The following CTNND2 variants were observed in gnomAD, a reference collection of about 807,000 sequenced individuals.
The protein encoded by CTNND2 is catenin delta-2.
A neutral mutation model predicts 144.4 loss-of-function variants in CTNND2; 22 were observed. That is an observed-to-expected ratio of 0.15 (90% CI 0.11 to 0.22). CTNND2 has a LOEUF of 0.22. CTNND2 is among the 10% of genes least tolerant of loss of function. The pLI is 1.00. For missense variants in CTNND2, 1,353 were observed against 1,618.8 expected (o/e 0.84, Z 2.82); for synonymous variants, 751 against 695.6 (o/e 1.08, Z -1.25).
chr5:11,762,672 G>C (rs1206401460), intron 1 of CTNND2, among the ~76,000 whole-genome samples: 1 of 152,064 alleles, frequency 6.6e-6, no homozygotes, highest in Non-Finnish European at 1.5e-5. Context: ...TTTAACCCAG[G>C]CCTTCACGAA....
chr5:11,662,251 G>GTGTATA lies in CTNND2; in HGVS notation c.174+69884_174+69885insTATACA, dbSNP rs546479720. ...TATATATGTATATATATACATATATGTGTGTATATATGTGTGTGTGTGTAT... is the reference window on the plus strand; with the variant it reads ...TATATATGTATATATATACATATATGTGTATATGTGTATATATGTGTGTGTGTGTAT... On this transcript the variant is annotated intron_variant, in intron 2 of 21. Transcript: ENST00000304623. Among the ~76,000 whole-genome samples, 5 of 133,762 alleles carry GTGTATA rather than the reference G, an allele frequency of 3.7e-5. No homozygotes were observed. In the South Asian group the frequency reaches 6.7e-4, roughly 18 times the overall value. 87.8% of individuals were successfully genotyped at this position (133,762 alleles called of 152,430 possible).
At chr5:11,899,145 T>C (rs563997399) in intron 1 of CTNND2, among the ~76,000 whole-genome samples, 7 of 152,350 alleles carry the variant, frequency 4.6e-5, no homozygotes, top group African/African-American at 1.7e-4. Flanking sequence ...CTTCCCTTTA[T>C]GTAATACATT....
chr5:11,265,340 T>C (rs1745329007), intron 9 of CTNND2, among the ~76,000 whole-genome samples: 1 of 152,050 alleles, frequency 6.6e-6, no homozygotes, highest in South Asian at 2.1e-4. Context: ...CATCTCAAAG[T>C]TTCTGGTGGT....
At chr5:11,210,436 G>A (rs1738510245) in intron 10 of CTNND2, among the ~76,000 whole-genome samples, 1 of 152,032 alleles carries the variant, frequency 6.6e-6, no homozygotes, top group African/African-American at 2.4e-5. Context: ...AAGAAATAAA[G>A]ATCTAAGACT....
intron 16 of CTNND2, among the ~76,000 whole-genome samples, chr5:11,078,033 A>G (rs1373260693): frequency 6.6e-6 from 1 of 152,186 alleles, no homozygotes; most frequent in Non-Finnish European, 1.5e-5. Context: ...AGTGGAGAGG[A>G]TAGAGCAGAC....
chr5:11,241,112 C>A (rs1391292395), intron 9 of CTNND2, among the ~76,000 whole-genome samples: 1 of 151,434 alleles, frequency 6.6e-6, no homozygotes, highest in Non-Finnish European at 1.5e-5. Flanking sequence ...AACATGTACA[C>A]ACACACATCC....
Position 11,741,061 on chromosome 5 carries a change from G to T in CTNND2, c.38-8789C>A, listed in dbSNP as rs368404960. ...TAGAATGGCGATCATTAAAAAGTCA[G>T]GAAACAACAGATGCTGGAGAGGATG... On this transcript the variant is annotated intron_variant, in intron 1 of 21. Coordinates refer to ENST00000304623, the MANE Select transcript of CTNND2 (RefSeq NM_001332.4). 2.6e-4 allele frequency among the ~76,000 whole-genome samples: 40 copies of T among 152,258 alleles called. 1 individual carries two copies. The South Asian group carries it at 7.9e-3, about 30-fold the overall frequency.
At chr5:11,044,314 G>A (rs1744992603) in intron 16 of CTNND2, among the ~76,000 whole-genome samples, 1 of 152,126 alleles carries the variant, frequency 6.6e-6, no homozygotes, top group Non-Finnish European at 1.5e-5. Flanking sequence ...GATTGCAGGA[G>A]CCTACACATT....
At chr5:11,037,571 A>G (rs1034526715) in intron 16 of CTNND2, among the ~76,000 whole-genome samples, 5 of 152,218 alleles carry the variant, frequency 3.3e-5, no homozygotes, top group African/African-American at 9.6e-5. Context: ...GTGCCTACTA[A>G]TCCAAGATCA....
intron 14 of CTNND2, among the ~76,000 whole-genome samples, chr5:11,109,332 T>A (rs977602457): frequency 1.3e-5 from 2 of 152,226 alleles, no homozygotes; most frequent in Non-Finnish European, 2.9e-5. Context: ...ACTAACAGCA[T>A]GCATGCATCA....
chr5:11,255,371 T>C (rs1287228443), intron 9 of CTNND2, among the ~76,000 whole-genome samples: 1 of 152,226 alleles, frequency 6.6e-6, no homozygotes, highest in Non-Finnish European at 1.5e-5. Flanking sequence ...GCGCTGGTTT[T>C]GCACAGAGGC....
intron 2 of CTNND2, among the ~76,000 whole-genome samples, chr5:11,643,136 T>C (rs2126510980): frequency 6.6e-6 from 1 of 152,328 alleles, no homozygotes; most frequent in African/African-American, 2.4e-5. Flanking sequence ...TTTAAAACAG[T>C]AAAATAGATC....
chr5:11,481,169 C>T (rs557225309), intron 3 of CTNND2, among the ~76,000 whole-genome samples: 9 of 152,180 alleles, frequency 5.9e-5, no homozygotes, highest in African/African-American at 1.9e-4. Context: ...TGCACAATAA[C>T]GTGGGATCAG....
intron 18 of CTNND2, among the ~76,000 whole-genome samples, chr5:11,010,620 A>T (rs1220915852): frequency 6.6e-6 from 1 of 152,272 alleles, no homozygotes; most frequent in East Asian, 1.9e-4. Context: ...AGATGACAAA[A>T]GGCTGTATTC....
chr5:11,893,108 CAAGG>C (rs1167171517), intron 1 of CTNND2, among the ~76,000 whole-genome samples: 8 of 152,088 alleles, frequency 5.3e-5, no homozygotes, highest in Non-Finnish European at 1.0e-4. Flanking sequence ...TATCAGGCCA[CAAGG>C]AAGCCATATA....
chr5:11,160,003 T>C (rs1758611165), intron 11 of CTNND2, among the ~76,000 whole-genome samples: 1 of 152,198 alleles, frequency 6.6e-6, no homozygotes, highest in South Asian at 2.1e-4. Context: ...GGGAGCATAA[T>C]CAAGGTTGCG....
chr5:11,464,258 TG>T (rs1766467469), intron 3 of CTNND2, among the ~76,000 whole-genome samples: 1 of 152,094 alleles, frequency 6.6e-6, no homozygotes, highest in Non-Finnish European at 1.5e-5. Flanking sequence ...TTCTGTAGCA[TG>T]TTAGAAGGTG....
chr5:11,408,905 T>C (rs936063880), intron 5 of CTNND2, among the ~76,000 whole-genome samples: 1 of 152,094 alleles, frequency 6.6e-6, no homozygotes, highest in African/African-American at 2.4e-5. Context: ...TCTTCTGGCA[T>C]TTATTTATCT....
chr5:11,395,633 C>T (rs573765188), intron 6 of CTNND2, among the ~76,000 whole-genome samples: 2 of 152,316 alleles, frequency 1.3e-5, no homozygotes, highest in East Asian at 1.9e-4. Context: ...GGCCCTTTAT[C>T]TCAATGGAAT....
Sources: allele counts gnomAD v4.1 joint callset (sites outside exome capture counted in the v4.1 genomes callset), GRCh38; gene constraint gnomAD v4.1.1; transcripts MANE v1.5; gene names NCBI Gene and HGNC (gene_info 2026-07-23, HGNC 2026-07-21).